PPHLN1: variants seen among roughly 807,000 people sequenced by gnomAD.
PPHLN1 encodes the protein periphilin 1.
In PPHLN1, 29 loss-of-function variants were observed where a neutral mutation model predicts 51.3. The ratio of observed to expected loss-of-function variants is 0.57; its 90% CI spans 0.42 to 0.77. The LOEUF (loss-of-function observed/expected upper bound fraction) is 0.77. Among genes scored for constraint, PPHLN1 ranks in the 30% least tolerant of loss-of-function variants. The probability of loss-of-function intolerance (pLI) is 0.00; values close to 1 mark genes in which losing one functional copy is unlikely to be tolerated. For synonymous variants in PPHLN1, 147 were observed against 147.8 expected, an observed-to-expected ratio of 0.99 and a Z score of 0.04; for missense variants, 436 against 438.4, an observed-to-expected ratio of 0.99 and a Z score of 0.05.
intron 4 of PPHLN1, chr12:42,359,122 A>T (rs2074351794): frequency 6.6e-6 from 1 of 152,146 alleles, no homozygotes; most frequent in South Asian, 2.1e-4. Flanking sequence ...CTGTATTCTA[A>T]TTATTCTGTG....
chr12:42,413,620 G>C (rs1374148434), intron 9 of PPHLN1, among the ~76,000 whole-genome samples: 1 of 151,236 alleles, frequency 6.6e-6, no homozygotes, highest in East Asian at 1.9e-4. Context: ...GGAGTGCAGT[G>C]GCGCCATCTC....
chr12:42,359,653 T>A (rs936079558), intron 4 of PPHLN1: 5 of 152,218 alleles, frequency 3.3e-5, no homozygotes, highest in African/African-American at 1.2e-4. Context: ...AAATAGCTGT[T>A]GTTGTAGAAA....
At chr12:42,340,903 T>A (rs1245757442) in intron 2 of PPHLN1, among the ~76,000 whole-genome samples, 1 of 152,232 alleles carries the variant, frequency 6.6e-6, no homozygotes, top group Non-Finnish European at 1.5e-5. Flanking sequence ...ACATTCTATT[T>A]TGTTTTATGT....
At chr12:42,381,657 C>A (rs994081489) in intron 5 of PPHLN1, among the ~76,000 whole-genome samples, 2 of 152,126 alleles carry the variant, frequency 1.3e-5, no homozygotes, top group Admixed American at 6.5e-5. Context: ...TGTGTCTCTC[C>A]ATTTTCTAAT....
At chr12:42,408,690 C>G (rs771381699) in intron 9 of PPHLN1, among the ~76,000 whole-genome samples, 1 of 152,236 alleles carries the variant, frequency 6.6e-6, no homozygotes, top group Non-Finnish European at 1.5e-5. Flanking sequence ...TTACCCACTT[C>G]ATAGTAATGT....
intron 9 of PPHLN1, chr12:42,399,206 G>A (rs956422720): frequency 1.6e-5 from 19 of 1,196,044 alleles, no homozygotes; most frequent in Non-Finnish European, 2.0e-5. Flanking sequence ...ATAAAAAACA[G>A]ACTTCTTTTT....
At chr12:42,436,945 G>A (rs1616695) in intron 9 of PPHLN1, among the ~76,000 whole-genome samples, 146,763 of 152,278 alleles carry the variant, frequency 0.96, 70,980 homozygotes, top group Middle Eastern at 1. Flanking sequence ...AGTGGGGACT[G>A]CTGTACTTGT....
chr12:42,388,625 T>C (rs910791951), intron 7 of PPHLN1, among the ~76,000 whole-genome samples: 13 of 152,136 alleles, frequency 8.5e-5, no homozygotes, highest in Non-Finnish European at 1.6e-4. Context: ...CTCTATACTT[T>C]GTCTCTGTGT....
At chr12:42,353,640 A>G (rs917121729) in intron 3 of PPHLN1, among the ~76,000 whole-genome samples, 1 of 152,014 alleles carries the variant, frequency 6.6e-6, no homozygotes, top group Non-Finnish European at 1.5e-5. Flanking sequence ...TATTTATTAC[A>G]TTTTTATTTT....
At chr12:42,361,517 T>G (rs1353190644) in intron 4 of PPHLN1, 1 of 152,226 alleles carries the variant, frequency 6.6e-6, no homozygotes, top group African/African-American at 2.4e-5. Context: ...TATATATGTA[T>G]GGACTAATAG....
intron 1 of PPHLN1, among the ~76,000 whole-genome samples, chr12:42,330,731 A>G (rs575699685): frequency 2.0e-5 from 3 of 152,148 alleles, no homozygotes; most frequent in East Asian, 1.9e-4. Context: ...TGTTTTTGAG[A>G]TGGAGTCTCG....
chr12:42,443,569 G>C (rs2083123951), downstream of PPHLN1: 1 of 152,158 alleles, frequency 6.6e-6, no homozygotes, highest in African/African-American at 2.4e-5. Context: ...TCTAGTAGTA[G>C]AACACTGGCC....
intron 1 of PPHLN1, among the ~76,000 whole-genome samples, chr12:42,330,161 C>T (rs1226330860): frequency 6.6e-6 from 1 of 152,220 alleles, no homozygotes. Context: ...AATAACAGAG[C>T]AGCATTGCCA....
intron 8 of PPHLN1, 172 bp from the exon 9 acceptor site, chr12:42,398,682 A>T: frequency 2.1e-6 from 1 of 477,926 alleles, no homozygotes; most frequent in Non-Finnish European, 3.5e-6. Flanking sequence ...TTCTTCTTTA[A>T]TCCATTTCAC....
At chr12:42,429,881 T>C (rs1225905407) in intron 9 of PPHLN1, among the ~76,000 whole-genome samples, 1 of 152,244 alleles carries the variant, frequency 6.6e-6, no homozygotes, top group Non-Finnish European at 1.5e-5. Flanking sequence ...TCACCTGGAT[T>C]CTATAATTAA....
chr12:42,400,769 C>G (rs188015797), intron 9 of PPHLN1, among the ~76,000 whole-genome samples: 1 of 146,150 alleles, frequency 6.8e-6, no homozygotes, highest in African/African-American at 2.6e-5. Context: ...CTCTCTCTCT[C>G]TCTCTTTCTC....
chr12:42,413,144 T>C (rs575104562), intron 9 of PPHLN1, among the ~76,000 whole-genome samples: 1 of 152,330 alleles, frequency 6.6e-6, no homozygotes, highest in East Asian at 1.9e-4. Context: ...TTTTTGTTTC[T>C]GTTGCATTTG....
At chr12:42,359,061 G>C (rs540168975) in intron 4 of PPHLN1, among the ~76,000 whole-genome samples, 4 of 152,084 alleles carry the variant, frequency 2.6e-5, no homozygotes, top group Non-Finnish European at 5.9e-5. Flanking sequence ...GTAGTGCCAT[G>C]ACAGTATCCC....
At position 42,441,574 on chromosome 12, in the gene PPHLN1, T is replaced by G; in HGVS notation, c.*65T>G. The G allele has an allele frequency of 7.0e-7, 1 of 1,423,010 alleles. No individual in the cohort carries two copies. The highest frequency in any genetic ancestry group is 9.2e-7 in the Non-Finnish European group (1 of 1,089,074). 88.1% of individuals were successfully genotyped at this position (1,423,010 alleles called of 1,614,324 possible). ...TAAAAATTTTTTTTCCTGGATTGTG[T>G]AAATCCTTAATATATGGAATTTTTG... On this transcript the variant is annotated 3_prime_UTR_variant, in exon 10 of 10. Transcript: ENST00000358314.
Sources: allele counts gnomAD v4.1 joint callset (sites outside exome capture counted in the v4.1 genomes callset), GRCh38; gene constraint gnomAD v4.1.1; transcripts MANE v1.5; gene names NCBI Gene and HGNC (gene_info 2026-07-23, HGNC 2026-07-21).